Variants in FGF12 observed in about 807,000 individuals in gnomAD.
The protein encoded by FGF12 is fibroblast growth factor 12B.
FGF12 carries 14 observed loss-of-function variants against 23.6 expected under a neutral mutation model. The observed-to-expected ratio is 0.59, with a 90% confidence interval of 0.39 to 0.93. FGF12 has a LOEUF of 0.93. FGF12 is among the 40% of genes least tolerant of loss of function. The probability of loss-of-function intolerance (pLI) is 0.00; values close to 1 mark genes in which losing one functional copy is unlikely to be tolerated. For missense variants in FGF12, 175 were observed against 217.8 expected (o/e 0.80, Z 1.24); for synonymous variants, 62 against 77.3 (o/e 0.80, Z 1.04).
At chr3:192,559,265 C>A (rs936556175) in intron 2 of FGF12, among the ~76,000 whole-genome samples, 1 of 151,914 alleles carries the variant, frequency 6.6e-6, no homozygotes, top group Non-Finnish European at 1.5e-5. Context: ...CAACAGATAA[C>A]CCACTTTTTA....
chr3:192,197,455 T>C (rs1460134161), intron 4 of FGF12, among the ~76,000 whole-genome samples: 1 of 152,222 alleles, frequency 6.6e-6, no homozygotes, highest in Non-Finnish European at 1.5e-5. Context: ...TATATCTCCT[T>C]TTTTGTCTAG....
chr3:192,146,373 C>A (rs1213943464), intron 5 of FGF12, among the ~76,000 whole-genome samples: 3 of 151,008 alleles, frequency 2.0e-5, no homozygotes, highest in Non-Finnish European at 4.4e-5. Context: ...CGGGTTCATG[C>A]CATTCTCCTG....
At chr3:192,311,995 C>T (rs1458236096) in intron 4 of FGF12, among the ~76,000 whole-genome samples, 1 of 149,316 alleles carries the variant, frequency 6.7e-6, no homozygotes, top group Non-Finnish European at 1.5e-5. Flanking sequence ...AGATCATTTG[C>T]ACCCTTTCAA....
At chr3:192,398,629 G>T (rs956032949) in intron 2 of FGF12, among the ~76,000 whole-genome samples, 1 of 152,076 alleles carries the variant, frequency 6.6e-6, no homozygotes, top group Non-Finnish European at 1.5e-5. Context: ...TGATCTGCCC[G>T]CCTCAGCTTC....
At position 192,373,867 on chromosome 3, in the gene FGF12, C is replaced by A. The variant is rs935929399; in HGVS notation, c.14-13329G>T. On this transcript the variant is annotated intron_variant, in intron 2 of 5. Transcript: ENST00000445105. Reference sequence around the variant, plus strand: ...GACTGTAGACATGATCAAAAGCCTACTTCTCTCATGGCCGACTCCAAGAAG... The same window carrying A: ...GACTGTAGACATGATCAAAAGCCTAATTCTCTCATGGCCGACTCCAAGAAG... Among the ~76,000 whole-genome samples the A allele has an allele frequency of 2.6e-5, 4 of 152,198 alleles. No homozygotes were observed. In the East Asian group the frequency reaches 7.7e-4, roughly 29 times the overall value.
intron 2 of FGF12, among the ~76,000 whole-genome samples, chr3:192,440,467 A>G (rs144492193): frequency 1.1e-4 from 17 of 152,298 alleles, no homozygotes; most frequent in African/African-American, 4.1e-4. Context: ...CAATGTGTCA[A>G]CGTTTCTGGA....
At chr3:192,570,204 T>A (rs1183407041) in intron 2 of FGF12, among the ~76,000 whole-genome samples, 1 of 152,202 alleles carries the variant, frequency 6.6e-6, no homozygotes, top group Admixed American at 6.5e-5. Context: ...TCAGGCTAGC[T>A]GTGTTTGTTT....
intron 2 of FGF12, among the ~76,000 whole-genome samples, chr3:192,456,761 T>C (rs1159236532): frequency 6.6e-6 from 1 of 152,162 alleles, no homozygotes; most frequent in East Asian, 1.9e-4. Context: ...AGTAAATATC[T>C]TGGAGACTCA....
intron 2 of FGF12, among the ~76,000 whole-genome samples, chr3:192,601,460 T>C (rs1281407030): frequency 6.6e-6 from 1 of 152,006 alleles, no homozygotes; most frequent in Non-Finnish European, 1.5e-5. Context: ...CACAAGAAAA[T>C]GATAAATGTT....
intron 4 of FGF12, among the ~76,000 whole-genome samples, chr3:192,241,875 C>T (rs1211832254): frequency 2.0e-5 from 3 of 152,090 alleles, no homozygotes; most frequent in African/African-American, 4.8e-5. Context: ...AAAAGGCTTT[C>T]AAGTTACTTC....
At position 192,495,411 on chromosome 3, in the gene FGF12, T is replaced by C. The variant is rs191101933; in HGVS notation, c.14-134873A>G. 4.2e-3 allele frequency among the ~76,000 whole-genome samples: 640 copies of C among 152,074 alleles called. 1 individual carries two copies. The highest frequency in any genetic ancestry group is 6.2e-3 in the Non-Finnish European group (425 of 68,016). On this transcript the variant is annotated intron_variant, in intron 2 of 5. Coordinates refer to ENST00000445105, the MANE Select transcript of FGF12 (RefSeq NM_004113.6). ...GATACTTACATCATGCAGTATATAA[T>C]TGTTTTTATGAAAGCTGTTTTCCAC...
At chr3:192,701,217 T>G (rs1718285089) in intron 2 of FGF12, among the ~76,000 whole-genome samples, 1 of 152,224 alleles carries the variant, frequency 6.6e-6, no homozygotes, top group Admixed American at 6.5e-5. Flanking sequence ...TCAGAAAATC[T>G]TTGAATCTAC....
intron 4 of FGF12, among the ~76,000 whole-genome samples, chr3:192,206,795 A>G (rs556440357): frequency 2.6e-4 from 39 of 152,314 alleles, no homozygotes; most frequent in African/African-American, 9.1e-4. Context: ...TTAACAGTTT[A>G]ACATTTTATT....
intron 2 of FGF12, among the ~76,000 whole-genome samples, chr3:192,617,029 C>T (rs147432687): frequency 3.2e-4 from 48 of 151,664 alleles, no homozygotes; most frequent in African/African-American, 8.2e-4. Flanking sequence ...TTCATGGCTT[C>T]GGAAGACAAA....
intron 2 of FGF12, among the ~76,000 whole-genome samples, chr3:192,386,194 G>A (rs1468209775): frequency 2.0e-5 from 3 of 152,094 alleles, no homozygotes; most frequent in Admixed American, 6.5e-5. Context: ...ACAGTTCCAC[G>A]CTGACTTCAA....
chr3:192,188,475 G>A (rs1716610333), intron 4 of FGF12, among the ~76,000 whole-genome samples: 1 of 152,202 alleles, frequency 6.6e-6, no homozygotes, highest in African/African-American at 2.4e-5. Context: ...CCAAGAAAGG[G>A]AGGGTTATGG....
At chr3:192,553,890 A>T (rs1189418140) in intron 2 of FGF12, among the ~76,000 whole-genome samples, 1 of 152,186 alleles carries the variant, frequency 6.6e-6, no homozygotes, top group African/African-American at 2.4e-5. Flanking sequence ...CTGAAAACAA[A>T]AGTAATGGTT....
At chr3:192,232,730 G>A (rs1428757428) in intron 4 of FGF12, among the ~76,000 whole-genome samples, 1 of 151,868 alleles carries the variant, frequency 6.6e-6, no homozygotes, top group East Asian at 1.9e-4. Flanking sequence ...AGGTCCCAGT[G>A]CCTACTGTTC....
intron 2 of FGF12, among the ~76,000 whole-genome samples, chr3:192,491,271 C>T (rs1723794135): frequency 6.6e-6 from 1 of 152,110 alleles, no homozygotes. Flanking sequence ...ACCATGACCT[C>T]TCTGATGGCA....
Sources: gnomAD v4.1 joint callset for allele counts (sites outside exome capture counted in the v4.1 genomes callset) on GRCh38, gnomAD v4.1.1 for gene constraint, MANE v1.5 for transcripts, NCBI Gene and HGNC (gene_info 2026-07-23, HGNC 2026-07-21) for gene names.